MMS19: variants seen among roughly 807,000 people sequenced by gnomAD.
MMS19 encodes MMS19 cytosolic iron-sulfur assembly component, also known as MMS19 nucleotide excision repair protein homolog.
A neutral mutation model predicts 129.8 loss-of-function variants in MMS19; 77 were observed. That is an observed-to-expected ratio of 0.59 (90% CI 0.49 to 0.72). MMS19 has a LOEUF of 0.72. MMS19 is among the 30% of genes least tolerant of loss of function. MMS19 has a pLI of 0.00. For missense variants in MMS19, 1,168 were observed against 1,266.3 expected (o/e 0.92, Z 1.18); for synonymous variants, 491 against 502.8 (o/e 0.98, Z 0.31).
At chr10:97,465,541 G>A (rs556080639) in intron 18 of MMS19, among the ~76,000 whole-genome samples, 1 of 152,384 alleles carries the variant, frequency 6.6e-6, no homozygotes, top group South Asian at 2.1e-4. Flanking sequence ...CTGACCTCAA[G>A]TGATCTGCTG....
At chr10:97,466,634 T>A (rs2033556827) in intron 15 of MMS19, 49 bp from the exon 16 acceptor site, 4 of 1,578,162 alleles carry the variant, frequency 2.5e-6, no homozygotes, top group African/African-American at 1.3e-5. Context: ...CCTGCAGCCA[T>A]CACAACCCTT....
chr10:97,486,896 A>ATATATATATATAT (rs2037998828), intron 1 of MMS19, among the ~76,000 whole-genome samples: 1 of 54,576 alleles, frequency 1.8e-5, no homozygotes, highest in Non-Finnish European at 4.9e-5. Context: ...TATATATATA[A>ATATATATATATAT]AATTAAGACA....
chr10:97,484,861 C>A (rs536149825), intron 1 of MMS19, among the ~76,000 whole-genome samples: 1 of 151,986 alleles, frequency 6.6e-6, no homozygotes, highest in Non-Finnish European at 1.5e-5. Flanking sequence ...GTGGTATAAT[C>A]ACAGCCTCCC....
At chr10:97,476,598 C>T in intron 8 of MMS19, 85 bp downstream of exon 8, 10 of 1,280,324 alleles carry the variant, frequency 7.8e-6, no homozygotes, top group Non-Finnish European at 1.1e-5. Context: ...ATTTTGGTGA[C>T]CTGTACCCTC....
intron 1 of MMS19, among the ~76,000 whole-genome samples, chr10:97,491,133 T>A (rs546848561): frequency 1.3e-5 from 2 of 152,340 alleles, no homozygotes; most frequent in South Asian, 4.1e-4. Flanking sequence ...ACAACCCATC[T>A]AAAAACTAAT....
intron 10 of MMS19, 53 bp from the exon 11 acceptor site, chr10:97,469,776 T>C: frequency 6.6e-7 from 1 of 1,519,798 alleles, no homozygotes; most frequent in Non-Finnish European, 9.1e-7. Flanking sequence ...CACCCTAGGA[T>C]GTGCAGGTAC....
At position 97,459,286 on chromosome 10, in the gene MMS19, G is replaced by C. The variant is rs1354545564; in HGVS notation, c.2905-4C>G. The C allele has an allele frequency of 1.2e-6, 2 of 1,613,452 alleles. No homozygotes were observed. The highest frequency in any genetic ancestry group is 3.3e-5 in the Admixed American group (2 of 59,986). On this transcript the variant is annotated splice_region_variant and splice_polypyrimidine_tract_variant and intron_variant, in intron 28 of 30. Transcript: ENST00000438925. The stretch of plus-strand genomic sequence containing the variant: ...GCAGTGCGGCGATCCGGACAGCCTG[G>C]AACACAACCACAAGGAGGTGAGAGC...
chr10:97,464,457 G>C (rs1018652300), intron 18 of MMS19, among the ~76,000 whole-genome samples: 10 of 152,138 alleles, frequency 6.6e-5, no homozygotes, highest in Admixed American at 5.9e-4. Flanking sequence ...TCTACCCACA[G>C]GGCAGGCTGC....
intron 1 of MMS19, among the ~76,000 whole-genome samples, chr10:97,488,334 A>T (rs1223065711): frequency 1.3e-5 from 2 of 152,242 alleles, no homozygotes; most frequent in East Asian, 3.8e-4. Flanking sequence ...TAAACATTGT[A>T]GGTAGGATTA....
chr10:97,459,790 G>T, intron 26 of MMS19, 49 bp from the exon 27 acceptor site: 2 of 1,417,832 alleles, frequency 1.4e-6, no homozygotes, highest in Non-Finnish European at 2.0e-6. Context: ...TAGATATATA[G>T]CTTGAGAAAT....
chr10:97,474,799 C>G (rs1050786407), intron 8 of MMS19, among the ~76,000 whole-genome samples: 2 of 152,090 alleles, frequency 1.3e-5, no homozygotes, highest in African/African-American at 4.8e-5. Context: ...TGAAAATAAA[C>G]AGCTGTGAAC....
intron 5 of MMS19, 110 bp downstream of exon 5, chr10:97,477,745 A>C: frequency 2.6e-6 from 2 of 763,472 alleles, no homozygotes; most frequent in South Asian, 3.8e-5. Context: ...AAACATTCAC[A>C]AGATCCAAAA....
At chr10:97,461,917 G>C in intron 21 of MMS19, 21 bp from the exon 22 acceptor site, 6 of 1,591,578 alleles carry the variant, frequency 3.8e-6, no homozygotes, top group Middle Eastern at 3.3e-4. Flanking sequence ...AGGAGAGCCC[G>C]ATCAAGCCTG....
intron 26 of MMS19, 92 bp from the exon 27 acceptor site, chr10:97,459,833 G>T: frequency 8.9e-7 from 1 of 1,122,906 alleles, no homozygotes; most frequent in Admixed American, 2.1e-5. Context: ...TGAGACATCA[G>T]CCTACAAACG....
At chr10:97,492,136 T>TAAAAAAAA (rs35108950) in intron 1 of MMS19, among the ~76,000 whole-genome samples, 3 of 98,262 alleles carry the variant, frequency 3.1e-5, no homozygotes, top group Non-Finnish European at 6.0e-5. Flanking sequence ...AAACTCAATC[T>TAAAAAAAA]AAAAAAAAAA....
Position 97,462,701 on chromosome 10 carries a change from T to C in MMS19, c.1913-19A>G, listed in dbSNP as rs771665566. ...TCCTTCTCTGCAAAACACACACACA[T>C]GCACACAATCACAAGACCATGACGG... On this transcript the variant is annotated intron_variant, in intron 19 of 30. Transcript: ENST00000438925. 35 of 1,556,204 alleles carry C rather than the reference T, an allele frequency of 2.2e-5. No homozygotes were observed. In the Admixed American group the frequency reaches 2.5e-4, roughly 11 times the overall value.
chr10:97,487,009 CAAAAA>C (rs887008146), intron 1 of MMS19, among the ~76,000 whole-genome samples: 1 of 148,106 alleles, frequency 6.8e-6, no homozygotes, highest in African/African-American at 2.5e-5. Flanking sequence ...ACACTTTCAA[CAAAAA>C]AAAGAAAAAT....
At chr10:97,486,891 AT>A (rs2037982428) in intron 1 of MMS19, among the ~76,000 whole-genome samples, 1 of 132,340 alleles carries the variant, frequency 7.6e-6, no homozygotes, top group Non-Finnish European at 1.6e-5. Context: ...ATATATATAT[AT>A]ATAAAATTAA....
At chr10:97,459,150 G>T in intron 29 of MMS19, 73 bp downstream of exon 29, 1 of 1,484,678 alleles carries the variant, frequency 6.7e-7, no homozygotes, top group South Asian at 1.3e-5. Flanking sequence ...AAGCCCACCT[G>T]ACTAAGGCAA....
Sources: allele counts gnomAD v4.1 joint callset (sites outside exome capture counted in the v4.1 genomes callset), GRCh38; gene constraint gnomAD v4.1.1; transcripts MANE v1.5; gene names NCBI Gene and HGNC (gene_info 2026-07-23, HGNC 2026-07-21).